The following TDRD10 variants were observed in gnomAD, a reference collection of about 807,000 sequenced individuals.
TDRD10 encodes tudor domain containing 10, also known as tudor domain-containing protein 10.
In TDRD10, 40 loss-of-function variants were observed where a neutral mutation model predicts 48.0. The ratio of observed to expected loss-of-function variants is 0.83; its 90% confidence interval spans 0.65 to 1.09. The LOEUF (loss-of-function observed/expected upper bound fraction) is 1.09. Among genes scored for constraint, TDRD10 ranks in the 50% least tolerant of loss-of-function variants. TDRD10 has a pLI of 0.00. For missense variants in TDRD10, 378 were observed against 434.7 expected (o/e 0.87, Z 1.16); for synonymous variants, 162 against 170.4 (o/e 0.95, Z 0.38).
At chr1:154,507,756 C>G (rs1193523451) in intron 3 of TDRD10, among the ~76,000 whole-genome samples, 3 of 152,208 alleles carry the variant, frequency 2.0e-5, no homozygotes, top group African/African-American at 7.2e-5. Flanking sequence ...CTAGCCTCCT[C>G]TCTCACCACT....
intron 6 of TDRD10, 145 bp from the exon 7 acceptor site, chr1:154,541,879 A>G (rs566154789): frequency 1.5e-6 from 1 of 687,510 alleles, no homozygotes; most frequent in Non-Finnish European, 2.5e-6. Flanking sequence ...GAGTGGACGG[A>G]TGTCTCAAAA....
intron 1 of TDRD10, 140 bp downstream of exon 1, chr1:154,503,169 C>G (rs1387813350): frequency 1.3e-5 from 2 of 152,298 alleles, no homozygotes; most frequent in African/African-American, 4.8e-5. Flanking sequence ...GTCGCTCGCT[C>G]GCGCCGGTTG....
chr1:154,547,347 C>G, intron 11 of TDRD10, 62 bp from the exon 12 acceptor site: 1 of 1,596,390 alleles, frequency 6.3e-7, no homozygotes. Context: ...TTGCTTCCCT[C>G]CTTTGCTCCT....
chr1:154,541,165 G>A (rs1287582797), intron 6 of TDRD10, among the ~76,000 whole-genome samples: 2 of 152,064 alleles, frequency 1.3e-5, no homozygotes, highest in Non-Finnish European at 2.9e-5. Flanking sequence ...TGTGGAAAAG[G>A]CTCACACGGG....
intron 6 of TDRD10, among the ~76,000 whole-genome samples, chr1:154,537,369 G>A (rs1160611400): frequency 6.6e-6 from 1 of 152,260 alleles, no homozygotes; most frequent in African/African-American, 2.4e-5. Context: ...GCTCCCTGAG[G>A]AGCCCACGCA....
chr1:154,526,810 C>T (rs926585720), intron 6 of TDRD10, among the ~76,000 whole-genome samples: 2 of 151,720 alleles, frequency 1.3e-5, no homozygotes, highest in Non-Finnish European at 2.9e-5. Flanking sequence ...GGCTGGTCTG[C>T]AACTCCTGAC....
intron 9 of TDRD10, 125 bp from the exon 10 acceptor site, chr1:154,544,247 C>G: frequency 1.3e-6 from 2 of 1,541,630 alleles, no homozygotes; most frequent in Non-Finnish European, 1.8e-6. Flanking sequence ...GTCTCGTTCT[C>G]TCTCCCACCT....
chr1:154,518,964 T>C (rs1176679620), intron 4 of TDRD10, among the ~76,000 whole-genome samples: 1 of 152,044 alleles, frequency 6.6e-6, no homozygotes, highest in Non-Finnish European at 1.5e-5. Flanking sequence ...CACAATATAA[T>C]GGAAAAAAAA....
intron 11 of TDRD10, among the ~76,000 whole-genome samples, chr1:154,545,237 A>T (rs1695483797): frequency 2.0e-5 from 3 of 152,184 alleles, no homozygotes. Context: ...CCCTGCTTCC[A>T]CCAGAGCTGC....
intron 4 of TDRD10, chr1:154,509,947 G>A (rs1021146849): frequency 1.2e-6 from 1 of 837,734 alleles, no homozygotes; most frequent in African/African-American, 1.8e-5. Context: ...CAGCACCTGG[G>A]GCTTGCTTGG....
intron 6 of TDRD10, among the ~76,000 whole-genome samples, chr1:154,535,070 C>T (rs1300272032): frequency 6.6e-6 from 1 of 152,146 alleles, no homozygotes; most frequent in African/African-American, 2.4e-5. Flanking sequence ...TTGAATTCTT[C>T]AGGAAAATAA....
At chr1:154,542,160 A>G (rs1235132635) in intron 7 of TDRD10, 94 bp downstream of exon 7, 5 of 1,290,572 alleles carry the variant, frequency 3.9e-6, no homozygotes, top group Non-Finnish European at 5.6e-6. Context: ...CTTCCAGCTC[A>G]GTCCCCTGAT....
At chr1:154,514,454 G>A (rs1004616396) in intron 4 of TDRD10, among the ~76,000 whole-genome samples, 2 of 152,138 alleles carry the variant, frequency 1.3e-5, no homozygotes, top group Non-Finnish European at 2.9e-5. Flanking sequence ...GTGAACAAGG[G>A]GTGGAAAGAC....
chr1:154,505,551 T>G (rs1693100531), intron 1 of TDRD10, among the ~76,000 whole-genome samples: 1 of 152,244 alleles, frequency 6.6e-6, no homozygotes, highest in African/African-American at 2.4e-5. Context: ...GGGAATAATT[T>G]AGAGAAAAGA....
chr1:154,536,383 G>T (rs1374689140), intron 6 of TDRD10, among the ~76,000 whole-genome samples: 1 of 152,140 alleles, frequency 6.6e-6, no homozygotes. Flanking sequence ...TCTTAACAAA[G>T]TTGCTTAAGA....
At chr1:154,530,446 T>C (rs1255876578) in intron 6 of TDRD10, among the ~76,000 whole-genome samples, 1 of 151,576 alleles carries the variant, frequency 6.6e-6, no homozygotes, top group Non-Finnish European at 1.5e-5. Flanking sequence ...TTTTTTTCTT[T>C]TGAAACAGAG....
chr1:154,508,542 C>A (rs750371873), intron 4 of TDRD10, 61 bp downstream of exon 4: 28 of 1,070,486 alleles, frequency 2.6e-5, no homozygotes, highest in Admixed American at 5.2e-5. Flanking sequence ...ACTTAGTAAC[C>A]TGCTAGTAAC....
At chr1:154,547,356 C>A in intron 11 of TDRD10, 53 bp from the exon 12 acceptor site, 1 of 1,607,634 alleles carries the variant, frequency 6.2e-7, no homozygotes, top group African/African-American at 1.3e-5. Flanking sequence ...TCCTTTGCTC[C>A]TCCTGCCCAA....
intron 6 of TDRD10, among the ~76,000 whole-genome samples, chr1:154,531,288 G>C (rs1481496866): frequency 1.3e-5 from 2 of 152,164 alleles, no homozygotes; most frequent in African/African-American, 4.8e-5. Flanking sequence ...CTTGGCATTG[G>C]CAGGTATTGT....
Sources: gnomAD v4.1 joint callset for allele counts (sites outside exome capture counted in the v4.1 genomes callset) on GRCh38, gnomAD v4.1.1 for gene constraint, MANE v1.5 for transcripts, NCBI Gene and HGNC (gene_info 2026-07-23, HGNC 2026-07-21) for gene names.